Variants in NID2 observed in about 807,000 individuals in gnomAD.
NID2 encodes nidogen 2.
Under a neutral mutation model 145.4 loss-of-function variants are expected in NID2, and 83 were observed. That is an observed-to-expected ratio of 0.57 (90% CI 0.48 to 0.69). The LOEUF is 0.69. Ranked by LOEUF, NID2 falls within the 30% of genes least tolerant of loss-of-function variation. NID2 has a pLI of 0.00. For synonymous variants in NID2, 739 were observed against 701.3 expected (o/e 1.05, Z -0.85); for missense variants, 1,807 against 1,765.7 (o/e 1.02, Z -0.42).
At chr14:52,040,902 C>T (rs377213799) in intron 7 of NID2, 51 bp from the exon 8 acceptor site, 1 of 1,551,062 alleles carries the variant, frequency 6.4e-7, no homozygotes, top group South Asian at 1.1e-5. Context: ...CTTGCTTAAA[C>T]AGTTACCAGT....
rs1305582875 is a variant in NID2, at chr14:52,010,886, G to A, written c.3712C>T (p.Pro1238Ser). Residue 1238 changes from proline to serine, a missense_variant, in exon 18 of 22, where the codon CCA becomes TCA. Coordinates refer to ENST00000216286, the MANE Select transcript of NID2 (RefSeq NM_007361.4). ...LVNPRAIAVD[P>S]IRGNLYWTDW... ...GGAAGCCCAGCTGACCCTCGGATTGGATCCACAGCGATGGCACGGGGATTC... is the reference window on the plus strand; with the variant it reads ...GGAAGCCCAGCTGACCCTCGGATTGAATCCACAGCGATGGCACGGGGATTC... 3 of 1,612,890 alleles carry A rather than the reference G, an allele frequency of 1.9e-6. No individual in the cohort carries two copies. The Admixed American group carries it at 5.0e-5, about 27-fold the overall frequency.
At chr14:52,056,646 G>T (rs1329454106) in intron 3 of NID2, among the ~76,000 whole-genome samples, 2 of 151,996 alleles carry the variant, frequency 1.3e-5, no homozygotes, top group African/African-American at 4.8e-5. Context: ...AAAAAAAATA[G>T]TCAGGTGTGA....
chr14:52,048,816 G>A (rs1176774178), intron 5 of NID2, among the ~76,000 whole-genome samples: 2 of 152,170 alleles, frequency 1.3e-5, no homozygotes, highest in Non-Finnish European at 2.9e-5. Flanking sequence ...TTGGGCAGAG[G>A]CCTGGAGGTG....
At chr14:52,009,367 A>C (rs1471066099) in intron 18 of NID2, 1 of 152,228 alleles carries the variant, frequency 6.6e-6, no homozygotes, top group Non-Finnish European at 1.5e-5. Context: ...GGATTGCCAG[A>C]GGAAGAAAGT....
intron 19 of NID2, chr14:52,007,493 C>G: frequency 6.3e-6 from 2 of 315,734 alleles, no homozygotes; most frequent in Non-Finnish European, 1.2e-5. Flanking sequence ...GTGACCCTCT[C>G]CCCGCATAAG....
chr14:52,014,211 T>C (rs1366235691), intron 16 of NID2, 76 bp downstream of exon 16: 3 of 1,583,992 alleles, frequency 1.9e-6, no homozygotes, highest in Non-Finnish European at 2.6e-6. Flanking sequence ...TCCACCTCAC[T>C]GCAACAGGGC....
intron 9 of NID2, 90 bp from the exon 10 acceptor site, chr14:52,029,780 G>A (rs530760842): frequency 4.3e-5 from 48 of 1,119,752 alleles, no homozygotes; most frequent in African/African-American, 3.8e-4. Context: ...CTGACTGCAT[G>A]TCTGTGTTTT....
chr14:52,031,258 G>C (rs1260999613), intron 9 of NID2, among the ~76,000 whole-genome samples: 1 of 152,124 alleles, frequency 6.6e-6, no homozygotes, highest in Non-Finnish European at 1.5e-5. Flanking sequence ...AATGGAAATA[G>C]GAACATGTAC....
At position 52,015,298 on chromosome 14, in the gene NID2, A is replaced by G. The variant is rs575065355; in HGVS notation, c.3029-23T>C. 4.3e-5 allele frequency: 68 copies of G among 1,588,956 alleles called. No individual in the cohort carries two copies. In the South Asian group the frequency reaches 7.1e-4, roughly 17 times the overall value. ...GCTCTGAGCAGATGGGGAAGAGGGA[A>G]GAAGAAAAACCTTTGATTGTGAGTC... On this transcript the variant is annotated intron_variant, in intron 14 of 21. Coordinates refer to ENST00000216286, the MANE Select transcript of NID2 (RefSeq NM_007361.4).
chr14:52,060,519 T>C (rs2140431575), intron 2 of NID2, among the ~76,000 whole-genome samples, 163 bp from the exon 3 acceptor site: 1 of 152,374 alleles, frequency 6.6e-6, no homozygotes, highest in South Asian at 2.1e-4. Context: ...TAACCTTCTT[T>C]AAAATTTCCT....
chr14:52,053,847 A>G lies in NID2; in HGVS notation c.1161T>C (p.Asp387=). The change falls in exon 5 of 22, where the codon GAT becomes GAC. Residue 387 remains aspartate (D), a synonymous_variant. Coordinates refer to ENST00000216286, the MANE Select transcript of NID2 (RefSeq NM_007361.4). ...GAGCTGGGCTTCTGGTCTCTCTCTC[A>G]TCCCAGGGCTCAACTTGGCCTTTTA... ...PDLKGQVEPW[D]ERETRSPAPP... is the part of the protein sequence containing the mutation. The G allele has an allele frequency of 6.2e-7, 1 of 1,614,072 alleles. No individual in the cohort carries two copies. The highest frequency in any genetic ancestry group is 8.5e-7 in the Non-Finnish European group (1 of 1,180,002).
At chr14:52,052,943 C>T (rs749703251) in intron 5 of NID2, among the ~76,000 whole-genome samples, 28 of 152,222 alleles carry the variant, frequency 1.8e-4, no homozygotes, top group Non-Finnish European at 4.1e-4. Flanking sequence ...TCGCCATCTC[C>T]CTCCTCGCCT....
intron 1 of NID2, 59 bp downstream of exon 1, chr14:52,068,708 G>T: frequency 6.8e-7 from 1 of 1,472,990 alleles, no homozygotes; most frequent in Non-Finnish European, 9.3e-7. Context: ...CAGGGTTTCC[G>T]TGAGACCGAC....
intron 9 of NID2, among the ~76,000 whole-genome samples, chr14:52,030,572 GGAAGGGAA>G (rs1891801277): frequency 1.4e-5 from 1 of 73,478 alleles, no homozygotes; most frequent in African/African-American, 5.3e-5. Flanking sequence ...AAGAAAGGAA[GGAAGGGAA>G]AGAAAGAAAG....
chr14:52,027,792 C>T (rs555618494), intron 11 of NID2, among the ~76,000 whole-genome samples: 9 of 149,962 alleles, frequency 6.0e-5, no homozygotes, highest in African/African-American at 1.5e-4. Flanking sequence ...GGCGTGATCT[C>T]GGCTCACTGC....
intron 1 of NID2, 118 bp from the exon 2 acceptor site, chr14:52,068,281 G>A (rs1460839155): frequency 1.0e-6 from 1 of 960,224 alleles, no homozygotes. Context: ...TTCCCCACTG[G>A]CCAGGGAGTC....
intron 9 of NID2, among the ~76,000 whole-genome samples, chr14:52,032,906 G>A (rs1201155049): frequency 6.6e-6 from 1 of 151,686 alleles, no homozygotes; most frequent in Non-Finnish European, 1.5e-5. Flanking sequence ...ACTCAATACT[G>A]ATTTAAAATG....
Position 52,011,601 on chromosome 14 carries a change from C to A in NID2, c.3503G>T (p.Arg1168Leu). 6.2e-7 allele frequency: 1 copy of A among 1,614,210 alleles called. No individual in the cohort carries two copies. The highest frequency in any genetic ancestry group is 1.3e-5 in the African/African-American group (1 of 75,052). The change falls in exon 17 of 22, where the codon CGT becomes CTT. Residue 1168 changes from arginine (R) to leucine (L), a missense_variant. By Grantham distance (102) the Arg-to-Leu change is moderately radical (BLOSUM62 -2). Transcript: ENST00000216286. ...WTDVAGRTIS[R>L]AGLELGAEPE... ...CTCTGCTCCCAGTTCCAGACCAGCA[C>A]GGCTGATTGTCCGTCCAGCAACATC...
At chr14:52,041,692 A>G (rs1001046503) in intron 7 of NID2, among the ~76,000 whole-genome samples, 2 of 152,130 alleles carry the variant, frequency 1.3e-5, no homozygotes, top group Non-Finnish European at 2.9e-5. Context: ...GGCCTATACT[A>G]TTATAGGTTG....
Sources: gnomAD v4.1 joint callset for allele counts (sites outside exome capture counted in the v4.1 genomes callset) on GRCh38, gnomAD v4.1.1 for gene constraint, MANE v1.5 for transcripts, NCBI Gene and HGNC (gene_info 2026-07-23, HGNC 2026-07-21) for gene names.